The following ZNF777 variants were observed in gnomAD, a reference collection of about 807,000 sequenced individuals.
ZNF777 encodes the protein zinc finger protein 777.
In ZNF777, 7 loss-of-function variants were observed where a neutral mutation model predicts 72.1. The ratio of observed to expected loss-of-function variants is 0.10; its 90% confidence interval spans 0.06 to 0.18. The LOEUF is 0.18. Ranked by LOEUF, ZNF777 falls within the 10% of genes least tolerant of loss-of-function variation. The pLI, the probability that ZNF777 is intolerant of heterozygous loss-of-function variation, is 1.00. For synonymous variants in ZNF777, 545 were observed against 483.5 expected (o/e 1.13, Z -1.67); for missense variants, 828 against 1,128.6 (o/e 0.73, Z 3.82).
At position 149,436,630 on chromosome 7, in the gene ZNF777, G is replaced by A. The variant is rs977466870; in HGVS notation, c.1284C>T (p.Gly428=). Residue 428 remains glycine, a synonymous_variant, in exon 5 of 6, where the codon GGC becomes GGT. Transcript: ENST00000247930. This position sits in a 1 kb window ranked among gnomAD's most constrained non-coding sequence, Gnocchi z 5.0. ...PENTLEESTE[G]SSEFSELKQM... is the part of the protein sequence containing the mutation. Reference sequence around the variant, plus strand: ...GCTTCAGTTCGCTGAACTCGCTGGAGCCTTCCGTGGACTCCTCCAGCGTGT... The same window carrying A: ...GCTTCAGTTCGCTGAACTCGCTGGAACCTTCCGTGGACTCCTCCAGCGTGT... 4 of 1,613,468 alleles carry A rather than the reference G, an allele frequency of 2.5e-6. No individual in the cohort carries two copies. The highest frequency in any genetic ancestry group is 3.4e-6 in the Non-Finnish European group (4 of 1,179,956).
chr7:149,458,970 A>T (rs1799888204), intron 1 of ZNF777, among the ~76,000 whole-genome samples: 1 of 152,234 alleles, frequency 6.6e-6, no homozygotes, highest in African/African-American at 2.4e-5. Context: ...CCACATTAGC[A>T]GAAGCATCCA....
In ZNF777 at chr7:149,436,632, C is replaced by G. The variant is rs1349425916; in HGVS notation, c.1282G>C (p.Gly428Arg). 1.2e-6 allele frequency: 2 copies of G among 1,613,540 alleles called. No individual in the cohort carries two copies. The highest frequency in any genetic ancestry group is 2.7e-5 in the African/African-American group (2 of 74,912). ...PENTLEESTE[G>R]SSEFSELKQM... ...TTCAGTTCGCTGAACTCGCTGGAGC[C>G]TTCCGTGGACTCCTCCAGCGTGTTC... Residue 428 changes from glycine (G) to arginine (R), a missense_variant, in exon 5 of 6, where the codon GGC becomes CGC. Gly to Arg is a moderately radical substitution (Grantham distance 125). Around this residue, in one of 12 missense-constraint regions of ZNF777, gnomAD observed 219 missense variants for 223.0 expected, o/e 0.98. Transcript: ENST00000247930. This position sits in a 1 kb window ranked among gnomAD's most constrained non-coding sequence, Gnocchi z 5.0.
chr7:149,440,622 A>G (rs991872426), intron 4 of ZNF777, among the ~76,000 whole-genome samples: 1 of 147,218 alleles, frequency 6.8e-6, no homozygotes, highest in Non-Finnish European at 1.5e-5. Context: ...CCTCCCACAG[A>G]GCTACGATTA....
intron 4 of ZNF777, among the ~76,000 whole-genome samples, chr7:149,442,003 G>C (rs1016776411): frequency 1.3e-5 from 2 of 151,490 alleles, no homozygotes; most frequent in Admixed American, 1.3e-4. Context: ...AACTCCTGAC[G>C]TCAGGAGTTC....
chr7:149,448,587 A>ATACATATAAC (rs1799657348), intron 4 of ZNF777, among the ~76,000 whole-genome samples: 2 of 44,870 alleles, frequency 4.5e-5, no homozygotes, highest in Non-Finnish European at 8.2e-5. Flanking sequence ...AACTATATAT[A>ATACATATAAC]TATATATATA....
intron 3 of ZNF777, among the ~76,000 whole-genome samples, chr7:149,453,326 A>C (rs536191359): frequency 1.2e-4 from 19 of 152,314 alleles, no homozygotes; most frequent in African/African-American, 4.3e-4. Context: ...TATCCTATGG[A>C]AAGGTATGTA....
rs140669364 is a variant in ZNF777 at position 149,438,643 on chromosome 7, T to C, written c.1088-1817A>G. On this transcript the variant is annotated intron_variant, in intron 4 of 5. Coordinates refer to ENST00000247930, the MANE Select transcript of ZNF777 (RefSeq NM_015694.3). The stretch of plus-strand genomic sequence containing the variant: ...TTGTATGTTAGAAGGTGACAAGTGC[T>C]GTGAGAAAAAGAGAAAAGAAGCCAG... 7.8e-3 allele frequency among the ~76,000 whole-genome samples: 1,182 copies of C among 152,314 alleles called. 13 individuals carry two copies. The highest frequency in any genetic ancestry group is 0.027 in the Admixed American group (409 of 15,304).
chr7:149,431,594 G>T lies in ZNF777; in HGVS notation c.*182C>A. The stretch of plus-strand genomic sequence containing the variant: ...CCCCTGGGGCCCCCGGGGAAACGCG[G>T]CAGCAAGGGACCTGGTCTCACTGCC... On this transcript the variant is annotated 3_prime_UTR_variant, in exon 6 of 6. Transcript: ENST00000247930. The T allele has an allele frequency of 3.1e-6, 2 of 644,472 alleles. No homozygotes were observed. Among genetic ancestry groups the T allele is most frequent in the Non-Finnish European group, 4.9e-6 (2 of 409,818 alleles). 39.9% of individuals were successfully genotyped at this position (644,472 alleles called of 1,614,324 possible).
Position 149,460,051 on chromosome 7 carries a change from C to G in ZNF777, c.-16+764G>C, listed in dbSNP as rs1363383010. 1.8e-4 allele frequency: 177 copies of G among 982,704 alleles called. No individual in the cohort carries two copies. In the Middle Eastern group the frequency reaches 2.6e-3, roughly 15 times the overall value. 60.9% of individuals were successfully genotyped at this position (982,704 alleles called of 1,614,324 possible). A position where few individuals can be genotyped will look rare whatever the true frequency, so the allele number is the denominator to read the frequency against. On this transcript the variant is annotated intron_variant, in intron 1 of 5. Coordinates refer to ENST00000247930, the MANE Select transcript of ZNF777 (RefSeq NM_015694.3). The surrounding 1 kb of genome is among the most constrained non-coding windows in gnomAD (Gnocchi z 6.1). ...TTACCGAGATCCCAGGCCGGGCCGCCGAGCCCGGGACACGCAGGCCGTCCC... is the reference window on the plus strand; with the variant it reads ...TTACCGAGATCCCAGGCCGGGCCGCGGAGCCCGGGACACGCAGGCCGTCCC...
At chr7:149,450,292 G>A (rs1297747600) in intron 4 of ZNF777, among the ~76,000 whole-genome samples, 2 of 152,164 alleles carry the variant, frequency 1.3e-5, no homozygotes, top group South Asian at 2.1e-4. Flanking sequence ...TGAATGGGGC[G>A]ACCTCCAGGC....
intron 3 of ZNF777, among the ~76,000 whole-genome samples, chr7:149,452,438 G>T (rs1350198893): frequency 6.6e-6 from 1 of 151,862 alleles, no homozygotes; most frequent in East Asian, 1.9e-4. Flanking sequence ...AGACCATCCT[G>T]GCTGACACGG....
intron 5 of ZNF777, among the ~76,000 whole-genome samples, chr7:149,434,391 CAAG>C (rs1422004116): frequency 6.6e-6 from 1 of 152,128 alleles, no homozygotes; most frequent in Non-Finnish European, 1.5e-5. Context: ...GGATTCTCAG[CAAG>C]AAGCGACCCA....
chr7:149,447,389 A>G (rs2116590991), intron 4 of ZNF777, among the ~76,000 whole-genome samples: 1 of 152,326 alleles, frequency 6.6e-6, no homozygotes, highest in East Asian at 1.9e-4. Flanking sequence ...TTGATGTCTC[A>G]CAGGGATCTC....
intron 5 of ZNF777, among the ~76,000 whole-genome samples, chr7:149,434,235 C>T (rs1799374716): frequency 6.6e-6 from 1 of 152,136 alleles, no homozygotes; most frequent in Admixed American, 6.5e-5. Flanking sequence ...CTGAAGCTAG[C>T]AATGTTTGTG....
chr7:149,431,836 G>A lies in ZNF777; in HGVS notation c.2436C>T (p.Ala812=), dbSNP rs542042229. 3.0e-5 allele frequency: 48 copies of A among 1,603,692 alleles called. No homozygotes were observed. The highest frequency in any genetic ancestry group is 3.7e-5 in the Non-Finnish European group (44 of 1,179,218). The change falls in exon 6 of 6, where the codon GCC becomes GCT. Residue 812 remains alanine (A), a synonymous_variant. Transcript: ENST00000247930. ...GERPYPCTHC[A]KCFRYKQSLK... is the part of the protein sequence containing the mutation. Reference sequence around the variant, plus strand: ...GCGACTGCTTGTAGCGGAAGCACTTGGCGCAGTGCGTGCAGGGGTAGGGCC... The same window carrying A: ...GCGACTGCTTGTAGCGGAAGCACTTAGCGCAGTGCGTGCAGGGGTAGGGCC...
chr7:149,455,977 G>C lies in ZNF777; in HGVS notation c.46C>G (p.Gln16Glu). The change falls in exon 2 of 6, where the codon CAA (glutamine) becomes GAA (glutamate). Residue 16 changes from glutamine (Q) to glutamate (E), a missense_variant. Coordinates refer to ENST00000247930, the MANE Select transcript of ZNF777 (RefSeq NM_015694.3). The surrounding 1 kb of genome is among the most constrained non-coding windows in gnomAD (Gnocchi z 4.2). Reference protein sequence around the residue: ...SSPLSFPSVPQEETLRQAPAG... With the variant: ...SSPLSFPSVPEEETLRQAPAG... ...GGGGCCTGACGTAAGGTTTCTTCTTGTGGAACACTGGGGAACGACAGAGGT... is the reference window on the plus strand; with the variant it reads ...GGGGCCTGACGTAAGGTTTCTTCTTCTGGAACACTGGGGAACGACAGAGGT... 1 of 1,609,902 alleles carries C rather than the reference G, an allele frequency of 6.2e-7. No homozygotes were observed. The highest frequency in any genetic ancestry group is 8.5e-7 in the Non-Finnish European group (1 of 1,177,884).
chr7:149,451,898 T>C (rs1009947136), intron 3 of ZNF777, among the ~76,000 whole-genome samples: 8 of 152,198 alleles, frequency 5.3e-5, no homozygotes, highest in Admixed American at 3.9e-4. Context: ...AGAACTTCTA[T>C]AACTAGTAAA....
At chr7:149,448,501 AT>A in intron 4 of ZNF777, among the ~76,000 whole-genome samples, 2 of 135,838 alleles carry the variant, frequency 1.5e-5, no homozygotes, top group East Asian at 2.0e-4. Flanking sequence ...ATATATATAT[AT>A]ATATATATAA....
At chr7:149,434,456 A>G (rs2116569074) in intron 5 of ZNF777, among the ~76,000 whole-genome samples, 1 of 152,342 alleles carries the variant, frequency 6.6e-6, no homozygotes, top group Non-Finnish European at 1.5e-5. Context: ...GCAGCTGCAG[A>G]GTGTGGTAAC....
Sources: gnomAD v4.1 joint callset for allele counts (sites outside exome capture counted in the v4.1 genomes callset) on GRCh38, gnomAD v4.1.1 for gene constraint, gnomAD v4.1.1 regional missense constraint, Gnocchi (gnomAD v3.1) non-coding constraint, MANE v1.5 for transcripts, NCBI Gene and HGNC (gene_info 2026-07-23, HGNC 2026-07-21) for gene names.